The following SNAP23 variants were observed in gnomAD, a reference collection of about 807,000 sequenced individuals.
SNAP23 encodes synaptosomal-associated protein 23.
In SNAP23, 11 loss-of-function variants were observed where a neutral mutation model predicts 29.0. The ratio of observed to expected loss-of-function variants is 0.38; its 90% CI spans 0.24 to 0.63. SNAP23 has a LOEUF of 0.63. SNAP23 is among the 20% of genes least tolerant of loss of function. The pLI is 0.58. For synonymous variants in SNAP23, 60 were observed against 82.9 expected (o/e 0.72, Z 1.50); for missense variants, 220 against 253.9 (o/e 0.87, Z 0.91).
chr15:42,528,151 A>G (rs2057521833), intron 5 of SNAP23, 111 bp from the exon 6 acceptor site: 1 of 811,430 alleles, frequency 1.2e-6, no homozygotes, highest in African/African-American at 1.7e-5. Context: ...AGCTGTATGC[A>G]GCTTTTCTAC....
chr15:42,506,873 C>T (rs1028304426), intron 1 of SNAP23, among the ~76,000 whole-genome samples: 1 of 151,234 alleles, frequency 6.6e-6, no homozygotes, highest in African/African-American at 2.4e-5. Context: ...GGCTAGAGCA[C>T]AGTGATGCCA....
upstream of SNAP23, among the ~76,000 whole-genome samples, chr15:42,494,578 T>C (rs1159844965): frequency 1.3e-5 from 2 of 151,176 alleles, no homozygotes; most frequent in Non-Finnish European, 2.9e-5. Flanking sequence ...TGCAATGGCA[T>C]GATCTTGGCC....
chr15:42,528,681 GT>G (rs988780445), intron 6 of SNAP23, among the ~76,000 whole-genome samples: 1 of 152,082 alleles, frequency 6.6e-6, no homozygotes, highest in African/African-American at 2.4e-5. Context: ...TGCCTCCCAG[GT>G]TCAAGTTATT....
At chr15:42,498,741 C>T (rs1464534821) in intron 1 of SNAP23, among the ~76,000 whole-genome samples, 1 of 152,174 alleles carries the variant, frequency 6.6e-6, no homozygotes, top group Non-Finnish European at 1.5e-5. Context: ...ATCCAGTGAT[C>T]TGAGTGATCT....
rs769191186 is a variant in SNAP23 at position 42,511,805 on chromosome 15, T to C, written c.-14-28T>C. 5 of 1,364,896 alleles carry C rather than the reference T, an allele frequency of 3.7e-6. No individual in the cohort carries two copies. In the Admixed American group the frequency reaches 5.8e-5, roughly 16 times the overall value. The allele number at this position is 1,364,896 out of a possible 1,614,324, so 84.5% of individuals were successfully genotyped here. ...TATATATCCTTATTCTTATACAATA[T>C]CCACATTTCCATTTCTGTGCCTAAT... On this transcript the variant is annotated intron_variant, in intron 1 of 7. Coordinates refer to ENST00000249647, the MANE Select transcript of SNAP23 (RefSeq NM_003825.4).
intron 4 of SNAP23, among the ~76,000 whole-genome samples, chr15:42,513,970 C>T (rs577376480): frequency 6.7e-6 from 1 of 150,098 alleles, no homozygotes; most frequent in Non-Finnish European, 1.5e-5. Flanking sequence ...CCCACCACCA[C>T]ACCCGGCTAA....
chr15:42,504,792 G>A (rs1159436717), intron 1 of SNAP23, among the ~76,000 whole-genome samples: 1 of 152,170 alleles, frequency 6.6e-6, no homozygotes, highest in Non-Finnish European at 1.5e-5. Flanking sequence ...GAATTTATAT[G>A]CTGGAATTCC....
At chr15:42,500,391 T>C (rs1399532183) in intron 1 of SNAP23, among the ~76,000 whole-genome samples, 1 of 144,902 alleles carries the variant, frequency 6.9e-6, no homozygotes, top group South Asian at 2.1e-4. Context: ...TCTTTTCCCT[T>C]TTTTTTTTTT....
upstream of SNAP23, chr15:42,492,676 C>CAAAAAAAAAAAAAA (rs35363727): frequency 1.2e-5 from 1 of 83,688 alleles, no homozygotes; most frequent in African/African-American, 5.0e-5. Flanking sequence ...GACTGCGTCT[C>CAAAAAAAAAAAAAA]AAAAAAAAAA....
In SNAP23 at chr15:42,511,873, T is replaced by G; in HGVS notation, c.27T>G (p.Ile9Met). ...TGGATAATCTGTCATCAGAAGAAAT[T>G]CAACAGAGAGCTCACCAGATTACTG... is the stretch of plus-strand genomic sequence containing the variant. MDNLSSEEIQQRAHQITDE... is the reference protein window; with the variant it reads MDNLSSEEMQQRAHQITDE... Residue 9 changes from isoleucine (I) to methionine (M), a missense_variant, in exon 2 of 8, where the codon ATT becomes ATG. Coordinates refer to ENST00000249647, the MANE Select transcript of SNAP23 (RefSeq NM_003825.4). 7.5e-6 allele frequency: 12 copies of G among 1,598,402 alleles called. No homozygotes were observed. The highest frequency in any genetic ancestry group is 1.0e-5 in the Non-Finnish European group (12 of 1,171,480).
chr15:42,492,244 A>G (rs974003836), upstream of SNAP23, among the ~76,000 whole-genome samples: 2 of 152,104 alleles, frequency 1.3e-5, no homozygotes, highest in Non-Finnish European at 2.9e-5. Flanking sequence ...GCCCATACCC[A>G]TTCCCTCAGA....
chr15:42,528,138 C>T, intron 5 of SNAP23, 124 bp from the exon 6 acceptor site: 2 of 575,966 alleles, frequency 3.5e-6, no homozygotes, highest in South Asian at 3.1e-5. Flanking sequence ...ATCATCTAGA[C>T]TTAGCTGTAT....
chr15:42,531,428 G>T lies in SNAP23; in HGVS notation c.586G>T (p.Asp196Tyr). The T allele has an allele frequency of 6.3e-7, 1 of 1,586,600 alleles. No homozygotes were observed. The change falls in exon 8 of 8, where the codon GAT becomes TAT. Residue 196 changes from aspartate (D) to tyrosine (Y), a missense_variant. Transcript: ENST00000249647. ...TGTTTTTCAGGCTGACACCAACAGA[G>T]ATCGTATTGATATTGCCAATGCCAG... ...RITDKADTNR[D>Y]RIDIANARAK...
At chr15:42,522,375 C>T (rs1311918380) in intron 5 of SNAP23, among the ~76,000 whole-genome samples, 1 of 152,072 alleles carries the variant, frequency 6.6e-6, no homozygotes, top group Non-Finnish European at 1.5e-5. Context: ...TGAATTAATA[C>T]AAAACTAACT....
Position 42,502,607 on chromosome 15 carries a change from G to A in SNAP23, c.-15+6894G>A, listed in dbSNP as rs1002312044. ...TGGTTTCGGTGAATATTTCATTCAGGCAGGGTGAATCCTTGCCAATTAATC... is the reference window on the plus strand; with the variant it reads ...TGGTTTCGGTGAATATTTCATTCAGACAGGGTGAATCCTTGCCAATTAATC... On this transcript the variant is annotated intron_variant, in intron 1 of 7. Transcript: ENST00000249647. 7.2e-5 allele frequency among the ~76,000 whole-genome samples: 11 copies of A among 152,290 alleles called. No homozygotes were observed. In the East Asian group the frequency reaches 2.1e-3, roughly 29 times the overall value.
At chr15:42,511,162 T>C (rs2093951037) in intron 1 of SNAP23, among the ~76,000 whole-genome samples, 1 of 152,158 alleles carries the variant, frequency 6.6e-6, no homozygotes, top group Non-Finnish European at 1.5e-5. Context: ...GTCTATGAGA[T>C]CTCCTTCTGA....
intron 3 of SNAP23, 89 bp downstream of exon 3, chr15:42,513,085 G>C: frequency 6.5e-6 from 6 of 928,404 alleles, no homozygotes; most frequent in Non-Finnish European, 1.1e-5. Context: ...AAAGGGTAAT[G>C]TATCAATATG....
intron 1 of SNAP23, among the ~76,000 whole-genome samples, chr15:42,506,777 T>C (rs2057319824): frequency 6.6e-6 from 1 of 152,108 alleles, no homozygotes; most frequent in Non-Finnish European, 1.5e-5. Flanking sequence ...TCATATGATC[T>C]ATTGTTTGTT....
chr15:42,515,674 G>A (rs1161961885), intron 5 of SNAP23, among the ~76,000 whole-genome samples: 1 of 152,172 alleles, frequency 6.6e-6, no homozygotes, highest in Non-Finnish European at 1.5e-5. Flanking sequence ...TTCAAAGGAG[G>A]AGTATTAACA....
Sources: allele counts gnomAD v4.1 joint callset (sites outside exome capture counted in the v4.1 genomes callset), GRCh38; gene constraint gnomAD v4.1.1; transcripts MANE v1.5; gene names NCBI Gene and HGNC (gene_info 2026-07-23, HGNC 2026-07-21).